The following DEPDC1 variants were observed in gnomAD, a reference collection of about 807,000 sequenced individuals.
The protein encoded by DEPDC1 is DEP domain containing 1, also known as DEP domain-containing protein 1A.
A neutral mutation model predicts 86.8 loss-of-function variants in DEPDC1; 66 were observed. That is an observed-to-expected ratio of 0.76 (90% CI 0.62 to 0.93). The LOEUF is 0.93. Among genes scored for constraint, DEPDC1 ranks in the 40% least tolerant of loss-of-function variants. DEPDC1 has a pLI of 0.00. For missense variants in DEPDC1, 792 were observed against 935.7 expected, an observed-to-expected ratio of 0.85 and a Z score of 2.00; for synonymous variants, 255 against 314.9, an observed-to-expected ratio of 0.81 and a Z score of 2.02.
Position 68,479,270 on chromosome 1 carries a change from A to T in DEPDC1, c.1986T>A (p.Asp662Glu). 1 of 1,612,604 alleles carries T rather than the reference A, an allele frequency of 6.2e-7. No homozygotes were observed. Among genetic ancestry groups the T allele is most frequent in the East Asian group, 2.2e-5 (1 of 44,804 alleles). Residue 662 changes from aspartate (D) to glutamate (E), a missense_variant, in exon 10 of 12, where the codon GAT (aspartate) becomes GAA (glutamate). Coordinates refer to ENST00000456315, the MANE Select transcript of DEPDC1 (RefSeq NM_001114120.3). ...RCVLCCAEEVDLDELLAGRLV... is the reference protein window; with the variant it reads ...RCVLCCAEEVELDELLAGRLV... ...ATCTTCCAGCAAGAAGCTCATCAAG[A>T]TCCACTTCTTCAGCACAGCATAACA... is the stretch of plus-strand genomic sequence containing the variant.
intron 11 of DEPDC1, 115 bp downstream of exon 11, chr1:68,477,672 T>C: frequency 1.4e-6 from 1 of 712,706 alleles, no homozygotes; most frequent in Non-Finnish European, 2.1e-6. Context: ...TCTATATAAC[T>C]CAAACTTAAA....
intron 10 of DEPDC1, 118 bp from the exon 11 acceptor site, chr1:68,478,090 T>A: frequency 1.5e-6 from 1 of 682,954 alleles, no homozygotes; most frequent in Non-Finnish European, 2.2e-6. Context: ...ATTCAGCCAT[T>A]AAAAAAACTA....
chr1:68,483,146 A>G, intron 7 of DEPDC1: 1 of 549,728 alleles, frequency 1.8e-6, no homozygotes, highest in South Asian at 1.9e-5. Flanking sequence ...TCAACAGCCT[A>G]ATTAAATGGA....
intron 2 of DEPDC1, among the ~76,000 whole-genome samples, chr1:68,491,650 TAC>T (rs1408115807): frequency 6.6e-6 from 1 of 152,214 alleles, no homozygotes; most frequent in African/African-American, 2.4e-5. Flanking sequence ...AATATAAACT[TAC>T]AGTTTCATAA....
intron 6 of DEPDC1, among the ~76,000 whole-genome samples, chr1:68,485,116 G>A (rs1161528218): frequency 6.7e-6 from 1 of 150,098 alleles, no homozygotes; most frequent in Non-Finnish European, 1.5e-5. Context: ...ACTTTTGTAT[G>A]GACACACAAA....
chr1:68,489,749 C>A, intron 2 of DEPDC1, 141 bp from the exon 3 acceptor site: 1 of 565,932 alleles, frequency 1.8e-6, no homozygotes, highest in Non-Finnish European at 2.9e-6. Flanking sequence ...ATAAATTTTC[C>A]CATTAAACCT....
At chr1:68,492,390 TTA>T (rs1451523933) in intron 2 of DEPDC1, among the ~76,000 whole-genome samples, 2 of 152,148 alleles carry the variant, frequency 1.3e-5, no homozygotes, top group Admixed American at 6.5e-5. Flanking sequence ...TTTATGTACT[TTA>T]TAGTTTTGTT....
In DEPDC1 at chr1:68,496,902, G is replaced by T; in HGVS notation, c.48+50C>A. 6.3e-7 allele frequency: 1 copy of T among 1,593,446 alleles called. No individual in the cohort carries two copies. Among genetic ancestry groups the T allele is most frequent in the Non-Finnish European group, 8.6e-7 (1 of 1,164,814 alleles). On this transcript the variant is annotated intron_variant, in intron 1 of 11. Transcript: ENST00000456315. This position sits in a 1 kb window ranked among gnomAD's most constrained non-coding sequence, Gnocchi z 4.0. ...GGTCGAGGTAAAACTGCGAACAGTGGTGACTGCCGTCAGCCCGCTGACCGG... is the reference window on the plus strand; with the variant it reads ...GGTCGAGGTAAAACTGCGAACAGTGTTGACTGCCGTCAGCCCGCTGACCGG...
rs150643084 is a variant in DEPDC1 at position 68,483,352 on chromosome 1, G to A, written c.911-455C>T. The A allele has an allele frequency of 3.5e-4, 177 of 509,056 alleles. No individual in the cohort carries two copies. The East Asian group carries it at 8.5e-3, about 24-fold the overall frequency. The allele number at this position is 509,056 out of a possible 1,614,324, so 31.5% of individuals were successfully genotyped here. A position where few individuals can be genotyped will look rare whatever the true frequency, so the allele number is the denominator to read the frequency against. Reference sequence around the variant, plus strand: ...TTACTCATAACAAGCCTATTTCAGCGTATCTGAGTTCATGCTAAGGTAACT... The same window carrying A: ...TTACTCATAACAAGCCTATTTCAGCATATCTGAGTTCATGCTAAGGTAACT... On this transcript the variant is annotated intron_variant, in intron 7 of 11. Coordinates refer to ENST00000456315, the MANE Select transcript of DEPDC1 (RefSeq NM_001114120.3).
chr1:68,488,920 T>G lies in DEPDC1; in HGVS notation c.586A>C (p.Ile196Leu). 1 of 1,554,946 alleles carries G rather than the reference T, an allele frequency of 6.4e-7. No homozygotes were observed. Among genetic ancestry groups the G allele is most frequent in the Non-Finnish European group, 8.9e-7 (1 of 1,128,796 alleles). The part of the protein sequence containing the change: ...VEEVWRYVIL[I>L]YLQTILGVPS... ...TAAAGCTTAATTTTATCTTACTAGA[T>G]CAGAATAACATATCTCCAAACTTCT... Residue 196 changes from isoleucine (I) to leucine (L), a missense_variant, in exon 4 of 12, where the codon ATC (isoleucine) becomes CTC (leucine). Physicochemically the swap from Ile to Leu is conservative, Grantham distance 5. Transcript: ENST00000456315.
chr1:68,492,290 T>C (rs1646234125), intron 2 of DEPDC1, among the ~76,000 whole-genome samples: 2 of 152,362 alleles, frequency 1.3e-5, no homozygotes, highest in South Asian at 4.1e-4. Context: ...TTTTCATTCA[T>C]GAACAGGGTA....
At chr1:68,490,359 G>C (rs995311720) in intron 2 of DEPDC1, among the ~76,000 whole-genome samples, 3 of 149,306 alleles carry the variant, frequency 2.0e-5, no homozygotes, top group African/African-American at 5.0e-5. Context: ...TTGTAAGTGA[G>C]AGCATGTGAT....
At chr1:68,489,836 T>C (rs1241601542) in intron 2 of DEPDC1, among the ~76,000 whole-genome samples, 1 of 152,040 alleles carries the variant, frequency 6.6e-6, no homozygotes, top group African/African-American at 2.4e-5. Context: ...TCAGGGTTAT[T>C]ATTAGGGTCA....
chr1:68,489,520 C>A lies in DEPDC1; in HGVS notation c.403G>T (p.Asp135Tyr). 2 of 1,546,162 alleles carry A rather than the reference C, an allele frequency of 1.3e-6. No individual in the cohort carries two copies. The highest frequency in any genetic ancestry group is 1.7e-6 in the Non-Finnish European group (2 of 1,155,770). The change falls in exon 3 of 12, where the codon GAT becomes TAT. Residue 135 changes from aspartate (D) to tyrosine (Y), a missense_variant. Physicochemically the swap from Asp to Tyr is radical, Grantham distance 160. Coordinates refer to ENST00000456315, the MANE Select transcript of DEPDC1 (RefSeq NM_001114120.3). ...NNIENFSKDK[D>Y]SIFKLRNLSR... ...AAGTTTCGTAATTTAAAAATGCTAT[C>A]TTTATCTTTGGAAAAGTTCTCTATG...
At chr1:68,483,619 CA>C (rs1272250256) in intron 7 of DEPDC1, 1 of 277,420 alleles carries the variant, frequency 3.6e-6, no homozygotes, top group Non-Finnish European at 6.9e-6. Context: ...GTGCCACCCC[CA>C]CCCTCATACC....
chr1:68,474,687 C>G lies in DEPDC1; in HGVS notation c.*2245G>C, dbSNP rs778404878. ...AACTACCACCAAATCTACCAGTCAA[C>G]TCATCTATATTTGAACTTAAAGATC... is the stretch of plus-strand genomic sequence containing the variant. On this transcript the variant is annotated 3_prime_UTR_variant, in exon 12 of 12. Transcript: ENST00000456315. The G allele has an allele frequency of 6.6e-6, 1 of 151,994 alleles. No homozygotes were observed. The allele number at this position is 151,994 out of a possible 1,614,324, so 9.4% of individuals were successfully genotyped here. A position where few individuals can be genotyped will look rare whatever the true frequency, so the allele number is the denominator to read the frequency against.
Position 68,497,010 on chromosome 1 carries a change from G to C in DEPDC1, c.-11C>G. 2 of 1,611,232 alleles carry C rather than the reference G, an allele frequency of 1.2e-6. No homozygotes were observed. Among genetic ancestry groups the C allele is most frequent in the Non-Finnish European group, 1.7e-6 (2 of 1,178,178 alleles). ...ACCCTGACTCTCCATAGGTCTGTCA[G>C]CGCCCGGTGGCGTCCATGGCGGCGA... On this transcript the variant is annotated 5_prime_UTR_variant, in exon 1 of 12. Transcript: ENST00000456315.
In DEPDC1 at chr1:68,496,440, C is replaced by T. The variant is rs1411788863; in HGVS notation, c.48+512G>A. 6.6e-6 allele frequency among the ~76,000 whole-genome samples: 1 copy of T among 152,178 alleles called. No individual in the cohort carries two copies. On this transcript the variant is annotated intron_variant, in intron 1 of 11. Coordinates refer to ENST00000456315, the MANE Select transcript of DEPDC1 (RefSeq NM_001114120.3). This position sits in a 1 kb window ranked among gnomAD's most constrained non-coding sequence, Gnocchi z 4.0. ...GGTTACTGATGGGTACTCAGAAATA[C>T]CGTTTTGAAACAGGCAGCTGTTATC...
At chr1:68,491,293 G>A (rs769902966) in intron 2 of DEPDC1, among the ~76,000 whole-genome samples, 14 of 152,048 alleles carry the variant, frequency 9.2e-5, no homozygotes, top group South Asian at 6.2e-4. Flanking sequence ...TCTGACAAAG[G>A]TCTAGTATCC....
Sources: allele counts gnomAD v4.1 joint callset (sites outside exome capture counted in the v4.1 genomes callset), GRCh38; gene constraint gnomAD v4.1.1; non-coding constraint Gnocchi (gnomAD v3.1); transcripts MANE v1.5; gene names NCBI Gene and HGNC (gene_info 2026-07-23, HGNC 2026-07-21).